Variants in LOC122513141 observed in about 807,000 individuals in gnomAD.
the LOC122513141 span, chr9:137,217,767 C>T: frequency 8.4e-6 from 3 of 359,040 alleles, no homozygotes; most frequent in Non-Finnish European, 1.4e-5. Context: ...GGGTCCCTGT[C>T]CTCCTATCCT....
chr9:137,218,212 C>T, the LOC122513141 span: 5 of 398,458 alleles, frequency 1.3e-5, no homozygotes, highest in Non-Finnish European at 4.4e-6. Context: ...GGGTGCGCTG[C>T]CCGCTGTGCC....
chr9:137,218,860 C>T, the LOC122513141 span: 2 of 384,172 alleles, frequency 5.2e-6, no homozygotes, highest in Non-Finnish European at 9.2e-6. Flanking sequence ...CCAAGGACAG[C>T]TCCTGGAGGA....
chr9:137,218,295 C>A, the LOC122513141 span: 55 of 398,184 alleles, frequency 1.4e-4, no homozygotes, highest in African/African-American at 1.1e-3. Flanking sequence ...GACGGGCCCT[C>A]ACGCCAGCCC....
the LOC122513141 span, chr9:137,217,808 C>A: frequency 2.5e-6 from 1 of 397,296 alleles, no homozygotes; most frequent in African/African-American, 2.1e-5. Context: ...CACCCCTGAA[C>A]TGTGCCCTGG....
the LOC122513141 span, chr9:137,219,351 G>C: frequency 1.3e-5 from 2 of 151,456 alleles, no homozygotes. Context: ...CAATAAACCA[G>C]CTCCTGGGGA....
At chr9:137,219,360 G>A in the LOC122513141 span, 12 of 151,688 alleles carry the variant, frequency 7.9e-5, no homozygotes, top group African/African-American at 2.9e-4. Context: ...AGCTCCTGGG[G>A]ATGCCATTGT....
the LOC122513141 span, chr9:137,218,564 G>C: frequency 2.5e-6 from 1 of 399,284 alleles, no homozygotes; most frequent in East Asian, 3.6e-5. Context: ...CCTGCTGCTG[G>C]GACTGCTCTT....
the LOC122513141 span, chr9:137,218,706 C>A: frequency 2.5e-6 from 1 of 397,834 alleles, no homozygotes; most frequent in Non-Finnish European, 4.4e-6. Flanking sequence ...CTGGAAAAAC[C>A]CAAGGTTGGG....
At chr9:137,218,432 C>A in the LOC122513141 span, 4,769 of 398,510 alleles carry the variant, frequency 0.012, 384 homozygotes, top group East Asian at 0.14. Flanking sequence ...CCTGCCCTGT[C>A]CACCCTGCCT....
At chr9:137,218,918 G>T in the LOC122513141 span, 1 of 317,496 alleles carries the variant, frequency 3.1e-6, no homozygotes. Flanking sequence ...TTCACCCTGC[G>T]GCAGACGGGC....
the LOC122513141 span, chr9:137,217,528 C>T: frequency 7.7e-5 from 12 of 156,196 alleles, no homozygotes; most frequent in East Asian, 3.8e-4. Flanking sequence ...CTTGATCTGT[C>T]GTCGGCGGGT....
chr9:137,217,850 T>C, the LOC122513141 span: 10 of 397,978 alleles, frequency 2.5e-5, no homozygotes, highest in Non-Finnish European at 4.0e-5. Flanking sequence ...CGACTCCAGC[T>C]CTGGGCCTGT....
At chr9:137,217,789 C>T in the LOC122513141 span, 2 of 395,982 alleles carry the variant, frequency 5.1e-6, no homozygotes, top group South Asian at 1.4e-4. Context: ...ACTCCTGCCC[C>T]AGGGCCACCA....
chr9:137,218,146 G>T, the LOC122513141 span: 2 of 398,748 alleles, frequency 5.0e-6, no homozygotes, highest in Non-Finnish European at 8.8e-6. Flanking sequence ...GCCACGGCCT[G>T]TGTGTGGGCT....
the LOC122513141 span, chr9:137,219,256 A>G: frequency 1.3e-5 from 2 of 152,208 alleles, no homozygotes; most frequent in African/African-American, 4.8e-5. Flanking sequence ...GCCCCTGCAC[A>G]CCCTCATGTC....
the LOC122513141 span, chr9:137,217,808 CTG>C: frequency 2.5e-6 from 1 of 397,296 alleles, no homozygotes; most frequent in Non-Finnish European, 4.4e-6. Flanking sequence ...CACCCCTGAA[CTG>C]TGCCCTGGGG....
the LOC122513141 span, chr9:137,219,358 G>A: frequency 6.6e-6 from 1 of 152,166 alleles, no homozygotes; most frequent in East Asian, 1.9e-4. Flanking sequence ...CCAGCTCCTG[G>A]GGATGCCATT....
At chr9:137,218,259 G>A in the LOC122513141 span, 26 of 398,186 alleles carry the variant, frequency 6.5e-5, no homozygotes, top group Admixed American at 2.6e-4. Flanking sequence ...GAGATCTGCC[G>A]GCTACAGGAG....
the LOC122513141 span, chr9:137,218,459 A>G: frequency 5.0e-6 from 2 of 397,528 alleles, no homozygotes; most frequent in East Asian, 3.6e-5. Context: ...CCGGCTCTGG[A>G]CCCTGCGGGA....
Sources: allele counts gnomAD v4.1 joint callset, GRCh38; gene constraint gnomAD v4.1.1; transcripts MANE v1.5.